RBFOX1: variants seen among roughly 807,000 people sequenced by gnomAD.
The protein encoded by RBFOX1 is RNA binding protein fox-1 homolog 1.
RBFOX1 carries 8 observed loss-of-function variants against 57.7 expected under a neutral mutation model. That is an observed-to-expected ratio of 0.14 (90% confidence interval 0.08 to 0.25). The LOEUF (loss-of-function observed/expected upper bound fraction) is 0.25, where lower values mean the gene tolerates loss of function less well. Among genes scored for constraint, RBFOX1 ranks in the 10% least tolerant of loss-of-function variants. The pLI is 1.00. For missense variants in RBFOX1, 611 were observed against 548.5 expected, an observed-to-expected ratio of 1.11 and a Z score of -1.14; for synonymous variants, 326 against 222.4, an observed-to-expected ratio of 1.47 and a Z score of -4.15.
intron 1 of RBFOX1, among the ~76,000 whole-genome samples, chr16:6,224,810 C>G (rs145422203): frequency 0.033 from 5,018 of 152,188 alleles, 115 homozygotes; most frequent in Middle Eastern, 0.058. Context: ...CACCTGTGGT[C>G]AGGAGTTTGA....
chr16:7,097,057 C>G (rs186165231), intron 4 of RBFOX1, among the ~76,000 whole-genome samples: 359 of 151,406 alleles, frequency 2.4e-3, no homozygotes, highest in African/African-American at 8.4e-3. Context: ...GCCTCCTATA[C>G]AAATAAACAC....
At chr16:5,454,018 A>G (rs1384788888) in intron 1 of RBFOX1, among the ~76,000 whole-genome samples, 1 of 152,200 alleles carries the variant, frequency 6.6e-6, no homozygotes, top group Non-Finnish European at 1.5e-5. Context: ...AAGGGTGACT[A>G]AAGAGAGGGA....
At chr16:7,455,621 A>G (rs982966823) in intron 4 of RBFOX1, among the ~76,000 whole-genome samples, 2 of 151,336 alleles carry the variant, frequency 1.3e-5, no homozygotes, top group East Asian at 1.9e-4. Context: ...GTGAAATCCC[A>G]TCTCTACTGA....
In RBFOX1 at chr16:5,979,434, A is replaced by AT. The variant is rs377657021; in HGVS notation, c.351+112101dup. On this transcript the variant is annotated intron_variant, in intron 4 of 19. Transcript: ENST00000641259. ...AGAGAGGAAACATTCATTCAATGTG[A>AT]TTAGTGACTGTTGAGGGGCTTAACA... 7.7e-4 allele frequency among the ~76,000 whole-genome samples: 117 copies of AT among 152,322 alleles called. 1 individual carries two copies. Among genetic ancestry groups the AT allele is most frequent in the African/African-American group, 2.7e-3 (112 of 41,568 alleles).
intron 2 of RBFOX1, among the ~76,000 whole-genome samples, chr16:6,536,347 G>T (rs748953239): frequency 2.0e-5 from 3 of 152,140 alleles, no homozygotes; most frequent in Non-Finnish European, 2.9e-5. Context: ...GTTTTTACCA[G>T]CATGCAATTG....
At chr16:5,793,678 G>A (rs1226195895) in intron 3 of RBFOX1, among the ~76,000 whole-genome samples, 1 of 152,238 alleles carries the variant, frequency 6.6e-6, no homozygotes, top group Non-Finnish European at 1.5e-5. Context: ...GGAGGGCCCA[G>A]ACTGGTCACC....
intron 4 of RBFOX1, among the ~76,000 whole-genome samples, chr16:7,238,965 C>T (rs1359793249): frequency 6.6e-6 from 1 of 152,190 alleles, no homozygotes; most frequent in Non-Finnish European, 1.5e-5. Context: ...CTGCAAAGGA[C>T]ATGATCTTGT....
intron 1 of RBFOX1, among the ~76,000 whole-genome samples, chr16:6,089,060 T>C (rs2096130703): frequency 1.8e-5 from 2 of 112,522 alleles, no homozygotes; most frequent in Non-Finnish European, 3.6e-5. Context: ...AGTGAAACTC[T>C]GTCTCAAAAA....
At chr16:5,932,027 C>G (rs973801311) in intron 4 of RBFOX1, among the ~76,000 whole-genome samples, 1 of 152,048 alleles carries the variant, frequency 6.6e-6, no homozygotes, top group East Asian at 1.9e-4. Context: ...TGGTTTCGGA[C>G]TCTTGGACTC....
At chr16:5,258,875 C>T (rs1295481213) in intron 1 of RBFOX1, among the ~76,000 whole-genome samples, 4 of 151,998 alleles carry the variant, frequency 2.6e-5, no homozygotes, top group South Asian at 2.1e-4. Flanking sequence ...AAGATTGCAC[C>T]ACTGCACACC....
intron 3 of RBFOX1, among the ~76,000 whole-genome samples, chr16:6,874,287 A>G (rs1049334838): frequency 4.6e-5 from 7 of 152,074 alleles, no homozygotes; most frequent in African/African-American, 1.7e-4. Flanking sequence ...AGGCAGGTGG[A>G]TAATCTGAGG....
intron 1 of RBFOX1, among the ~76,000 whole-genome samples, chr16:5,306,435 T>C (rs911497601): frequency 6.6e-6 from 1 of 151,942 alleles, no homozygotes; most frequent in Non-Finnish European, 1.5e-5. Context: ...TTCTCCTGCC[T>C]CAGCCTTCTA....
chr16:5,342,093 G>A (rs1170407005), intron 1 of RBFOX1, among the ~76,000 whole-genome samples: 1 of 152,312 alleles, frequency 6.6e-6, no homozygotes, highest in African/African-American at 2.4e-5. Flanking sequence ...TTCAGAGTTT[G>A]CGGCAGATCG....
intron 1 of RBFOX1, among the ~76,000 whole-genome samples, chr16:6,049,956 G>A (rs867563174): frequency 7.4e-6 from 1 of 135,182 alleles, no homozygotes; most frequent in Admixed American, 7.6e-5. Flanking sequence ...AGCTTAAAAC[G>A]TTTTTTTTTT....
intron 3 of RBFOX1, among the ~76,000 whole-genome samples, chr16:7,048,235 T>G (rs2048724230): frequency 6.6e-6 from 1 of 151,470 alleles, no homozygotes; most frequent in Admixed American, 6.6e-5. Context: ...GTTGTAAAAT[T>G]TCCTTTTGAT....
At chr16:5,442,056 C>T (rs531062674) in intron 1 of RBFOX1, among the ~76,000 whole-genome samples, 6 of 152,044 alleles carry the variant, frequency 3.9e-5, no homozygotes, top group Admixed American at 6.5e-5. Context: ...ATCAAGCAGT[C>T]GTCATGCAGA....
chr16:5,614,084 C>A lies in RBFOX1; in HGVS notation c.318+15123C>A, dbSNP rs149892004. 8.1e-3 allele frequency among the ~76,000 whole-genome samples: 1,231 copies of A among 152,206 alleles called. 27 individuals carry two copies. Among genetic ancestry groups the A allele is most frequent in the African/African-American group, 0.028 (1,154 of 41,542 alleles). ...CCTTTTTCTCGCTAAGAATGGCCACCTTTTTATAGGAATGATGCCCACCTG... is the reference window on the plus strand; with the variant it reads ...CCTTTTTCTCGCTAAGAATGGCCACATTTTTATAGGAATGATGCCCACCTG... On this transcript the variant is annotated intron_variant, in intron 3 of 19. Transcript: ENST00000641259.
intron 5 of RBFOX1, among the ~76,000 whole-genome samples, chr16:7,564,580 G>T (rs996480566): frequency 7.3e-6 from 1 of 136,870 alleles, no homozygotes; most frequent in Admixed American, 7.2e-5. Flanking sequence ...GCACTCATCT[G>T]CAAGCCAGGA....
chr16:7,463,906 T>C (rs1297177946), intron 4 of RBFOX1, among the ~76,000 whole-genome samples: 1 of 152,224 alleles, frequency 6.6e-6, no homozygotes, highest in Non-Finnish European at 1.5e-5. Flanking sequence ...GAGACTATTA[T>C]TCATCTCATT....
Sources: allele counts gnomAD v4.1 joint callset (sites outside exome capture counted in the v4.1 genomes callset), GRCh38; gene constraint gnomAD v4.1.1; transcripts MANE v1.5; gene names NCBI Gene and HGNC (gene_info 2026-07-23, HGNC 2026-07-21).